The following PKIB variants were observed in gnomAD, a reference collection of about 807,000 sequenced individuals.
PKIB encodes PKI-beta.
Under a neutral mutation model 4.5 loss-of-function variants are expected in PKIB, and 2 were observed. The observed-to-expected ratio is 0.44, with a 90% CI of 0.18 to 1.39. The LOEUF is 1.39. PKIB is among the 40% of genes most tolerant of loss of function. The pLI is 0.27. For synonymous variants in PKIB, 38 were observed against 36.0 expected (o/e 1.06, Z -0.20); for missense variants, 94 against 92.6 (o/e 1.02, Z -0.06).
At chr6:122,512,822 CAA>C (rs1429516711) in intron 2 of PKIB, among the ~76,000 whole-genome samples, 1 of 152,196 alleles carries the variant, frequency 6.6e-6, no homozygotes, top group Non-Finnish European at 1.5e-5. Context: ...CCCAATTGCC[CAA>C]GAGGGCAAGT....
intron 2 of PKIB, among the ~76,000 whole-genome samples, chr6:122,492,885 T>C (rs1316362682): frequency 6.6e-6 from 1 of 152,094 alleles, no homozygotes; most frequent in Non-Finnish European, 1.5e-5. Context: ...CAAGCCTTTT[T>C]GTTTAAGCCA....
At chr6:122,590,110 C>G (rs1773972308) in intron 3 of PKIB, among the ~76,000 whole-genome samples, 1 of 151,966 alleles carries the variant, frequency 6.6e-6, no homozygotes, top group Admixed American at 6.6e-5. Flanking sequence ...TCAGAAATGC[C>G]AAATTATTGG....
intron 2 of PKIB, among the ~76,000 whole-genome samples, chr6:122,657,936 C>G (rs145526375): frequency 3.7e-4 from 56 of 152,250 alleles, no homozygotes; most frequent in Non-Finnish European, 7.5e-4. Context: ...GTACGCTAGC[C>G]TTAAAGATAA....
At chr6:122,653,545 G>GT (rs1776649836) in intron 2 of PKIB, among the ~76,000 whole-genome samples, 2 of 4,842 alleles carry the variant, frequency 4.1e-4, no homozygotes, top group Non-Finnish European at 4.8e-3. Flanking sequence ...ACCTGGTGGG[G>GT]CGGGATGAGG....
intron 1 of PKIB, among the ~76,000 whole-genome samples, chr6:122,632,834 A>T (rs533340277): frequency 9.3e-4 from 142 of 152,192 alleles, no homozygotes; most frequent in Non-Finnish European, 1.7e-3. Flanking sequence ...GAGAAAGGCT[A>T]TCATTCACCT....
At chr6:122,638,144 G>A (rs1775995649) in intron 2 of PKIB, among the ~76,000 whole-genome samples, 1 of 152,198 alleles carries the variant, frequency 6.6e-6, no homozygotes, top group Non-Finnish European at 1.5e-5. Flanking sequence ...ATACAAGAAA[G>A]TTTATTTGCT....
At chr6:122,650,960 C>G (rs367694626) in intron 2 of PKIB, among the ~76,000 whole-genome samples, 1 of 152,176 alleles carries the variant, frequency 6.6e-6, no homozygotes, top group African/African-American at 2.4e-5. Flanking sequence ...ACTGTTAGAG[C>G]CTTTTCTAAC....
intron 1 of PKIB, among the ~76,000 whole-genome samples, chr6:122,612,777 A>G (rs1774815491): frequency 6.6e-6 from 1 of 152,112 alleles, no homozygotes; most frequent in Admixed American, 6.6e-5. Context: ...GTTTGTGAGT[A>G]CCCGTTTTCA....
chr6:122,613,818 C>T (rs1021388547), intron 1 of PKIB, among the ~76,000 whole-genome samples: 17 of 151,876 alleles, frequency 1.1e-4, no homozygotes, highest in Non-Finnish European at 2.1e-4. Flanking sequence ...CAAAAATTAG[C>T]TGGGTGTGGT....
At chr6:122,679,296 G>C (rs1777809574) in intron 3 of PKIB, among the ~76,000 whole-genome samples, 1 of 152,192 alleles carries the variant, frequency 6.6e-6, no homozygotes, top group Non-Finnish European at 1.5e-5. Context: ...TGCTGGACTG[G>C]AGGGGAGCAG....
chr6:122,648,759 T>C (rs1269288316), intron 2 of PKIB, among the ~76,000 whole-genome samples: 2 of 152,116 alleles, frequency 1.3e-5, no homozygotes, highest in South Asian at 4.1e-4. Context: ...ATAGAAGAAG[T>C]CTCATACAAT....
intron 2 of PKIB, among the ~76,000 whole-genome samples, chr6:122,501,025 C>A (rs148785861): frequency 6.6e-6 from 1 of 152,094 alleles, no homozygotes; most frequent in Non-Finnish European, 1.5e-5. Flanking sequence ...TCTCCCAACA[C>A]GTGGGGATTA....
intron 1 of PKIB, among the ~76,000 whole-genome samples, chr6:122,613,166 T>C (rs191203284): frequency 6.6e-6 from 1 of 152,170 alleles, no homozygotes; most frequent in Non-Finnish European, 1.5e-5. Context: ...AGCATGCAGT[T>C]TGAAAATTGT....
chr6:122,483,678 A>G (rs549888766), intron 2 of PKIB: 3 of 152,340 alleles, frequency 2.0e-5, no homozygotes, highest in Admixed American at 2.0e-4. Flanking sequence ...TAGGAGTGGC[A>G]GATTGTGCGA....
intron 3 of PKIB, among the ~76,000 whole-genome samples, chr6:122,712,303 A>G (rs539735590): frequency 1.3e-5 from 2 of 152,330 alleles, no homozygotes; most frequent in South Asian, 4.1e-4. Flanking sequence ...TAGGAGCTCA[A>G]GAGATGACTG....
intron 2 of PKIB, among the ~76,000 whole-genome samples, chr6:122,510,441 C>T (rs987800462): frequency 6.6e-5 from 10 of 152,138 alleles, no homozygotes; most frequent in South Asian, 2.1e-4. Context: ...TTGTTATTAA[C>T]GGCAGGGATG....
chr6:122,690,396 T>G (rs1267695774), intron 3 of PKIB, among the ~76,000 whole-genome samples: 2 of 152,130 alleles, frequency 1.3e-5, no homozygotes, highest in Admixed American at 1.3e-4. Context: ...CTTCTATTTT[T>G]TTGTGTATTT....
chr6:122,557,417 T>C (rs1335088997), intron 2 of PKIB, among the ~76,000 whole-genome samples: 3 of 152,198 alleles, frequency 2.0e-5, no homozygotes, highest in Non-Finnish European at 1.5e-5. Flanking sequence ...GAGGATTGTT[T>C]TGGATTGTTC....
chr6:122,503,015 T>C (rs1776289387), intron 2 of PKIB, among the ~76,000 whole-genome samples: 1 of 152,204 alleles, frequency 6.6e-6, no homozygotes, highest in African/African-American at 2.4e-5. Context: ...TGTCTGGTGA[T>C]GGCCTAATTC....
Sources: gnomAD v4.1 joint callset for allele counts (sites outside exome capture counted in the v4.1 genomes callset) on GRCh38, gnomAD v4.1.1 for gene constraint, MANE v1.5 for transcripts, NCBI Gene and HGNC (gene_info 2026-07-23, HGNC 2026-07-21) for gene names.